The following GOLPH3L variants were observed in gnomAD, a reference collection of about 807,000 sequenced individuals.
GOLPH3L encodes Golgi phosphoprotein 3-like.
A neutral mutation model predicts 30.3 loss-of-function variants in GOLPH3L; 22 were observed. That is an observed-to-expected ratio of 0.73 (90% CI 0.52 to 1.04). The LOEUF (loss-of-function observed/expected upper bound fraction) is 1.04. GOLPH3L is among the 50% of genes least tolerant of loss of function. GOLPH3L has a pLI of 0.00. For synonymous variants in GOLPH3L, 120 were observed against 128.2 expected (o/e 0.94, Z 0.43); for missense variants, 303 against 345.8 (o/e 0.88, Z 0.98).
At position 150,694,763 on chromosome 1, in the gene GOLPH3L, C is replaced by A; in HGVS notation, c.76G>T (p.Asp26Tyr). 1 of 1,612,044 alleles carries A rather than the reference C, an allele frequency of 6.2e-7. No homozygotes were observed. The highest frequency in any genetic ancestry group is 2.2e-5 in the East Asian group (1 of 44,846). The change falls in exon 2 of 5, where the codon GAC becomes TAC. Residue 26 changes from aspartate (D) to tyrosine (Y), a missense_variant. Transcript: ENST00000271732. ...TCTGGACTTTTCTCCCAATTACTGT[C>A]TTCCTCACTTTCCATCTTCTTTTCA... is the stretch of plus-strand genomic sequence containing the variant. ...NSEKKMESEEDSNWEKSPDNE... is the reference protein window; with the variant it reads ...NSEKKMESEEYSNWEKSPDNE...
At position 150,672,057 on chromosome 1, in the gene GOLPH3L, A is replaced by T. The variant is rs149858932; in HGVS notation, c.184-8294T>A. Among the ~76,000 whole-genome samples the T allele has an allele frequency of 5.7e-3, 860 of 152,094 alleles. 11 individuals are homozygous for T. Among genetic ancestry groups the T allele is most frequent in the African/African-American group, 0.019 (806 of 41,506 alleles). On this transcript the variant is annotated intron_variant, in intron 2 of 4. Transcript: ENST00000271732. ...AGAAAATATCACTTTTTAAAGGAAA[A>T]TTTTCAGAAAAAAAGAACCCCTCCA... is the stretch of plus-strand genomic sequence containing the variant.
At chr1:150,678,529 T>A (rs147005333) in intron 2 of GOLPH3L, among the ~76,000 whole-genome samples, 1 of 152,282 alleles carries the variant, frequency 6.6e-6, no homozygotes, top group East Asian at 1.9e-4. Flanking sequence ...TATATTCTAT[T>A]CTATAACTAT....
At chr1:150,649,528 T>C (rs764662457) in intron 4 of GOLPH3L, among the ~76,000 whole-genome samples, 50 of 152,022 alleles carry the variant, frequency 3.3e-4, no homozygotes, top group Non-Finnish European at 6.3e-4. Context: ...CAAACCCAAA[T>C]GGCAAAGCCT....
At chr1:150,658,952 A>C (rs1223244029) in intron 4 of GOLPH3L, among the ~76,000 whole-genome samples, 1 of 152,220 alleles carries the variant, frequency 6.6e-6, no homozygotes, top group Non-Finnish European at 1.5e-5. Context: ...TGCAAAATTA[A>C]AAGAACAAAT....
At position 150,672,036 on chromosome 1, in the gene GOLPH3L, A is replaced by G. The variant is rs866200174; in HGVS notation, c.184-8273T>C. On this transcript the variant is annotated intron_variant, in intron 2 of 4. Coordinates refer to ENST00000271732, the MANE Select transcript of GOLPH3L (RefSeq NM_018178.6). ...CTTTCCAAATTATCTACAGTGAGAA[A>G]ATATCACTTTTTAAAGGAAAATTTT... 1.1e-4 allele frequency among the ~76,000 whole-genome samples: 16 copies of G among 152,164 alleles called. No homozygotes were observed. In the Middle Eastern group the frequency reaches 0.01, roughly 97 times the overall value.
At chr1:150,670,209 CTGAGA>C (rs1650610619) in intron 2 of GOLPH3L, among the ~76,000 whole-genome samples, 1 of 152,088 alleles carries the variant, frequency 6.6e-6, no homozygotes, top group Admixed American at 6.6e-5. Context: ...TTGCAGTGAG[CTGAGA>C]TCTCACCACT....
At chr1:150,667,865 A>T (rs1019070306) in intron 2 of GOLPH3L, among the ~76,000 whole-genome samples, 4 of 152,070 alleles carry the variant, frequency 2.6e-5, no homozygotes, top group African/African-American at 9.7e-5. Context: ...AAGTGCTGGG[A>T]TTACAGGAGT....
intron 2 of GOLPH3L, among the ~76,000 whole-genome samples, chr1:150,673,756 C>A (rs1285804118): frequency 7.0e-6 from 1 of 143,732 alleles, no homozygotes; most frequent in East Asian, 2.1e-4. Context: ...CAGTGAAACC[C>A]CGTCTCTACC....
At chr1:150,695,504 T>C (rs1651330431) in intron 1 of GOLPH3L, among the ~76,000 whole-genome samples, 1 of 151,864 alleles carries the variant, frequency 6.6e-6, no homozygotes, top group Admixed American at 6.6e-5. Flanking sequence ...CACTCCTCTT[T>C]CACAAAATGG....
intron 4 of GOLPH3L, among the ~76,000 whole-genome samples, chr1:150,659,198 A>G (rs1412556857): frequency 2.0e-5 from 3 of 152,208 alleles, no homozygotes; most frequent in African/African-American, 7.2e-5. Context: ...CTTTGCTTTT[A>G]TTGCTTTGTA....
rs587670823 is a variant in GOLPH3L, at chr1:150,652,344, G to A, written c.431-3596C>T. ...TGCATTGAGCTGAGATCGTGCCACCGCACTCCAGACTGGGTGACAGAGTGA... is the reference window on the plus strand; with the variant it reads ...TGCATTGAGCTGAGATCGTGCCACCACACTCCAGACTGGGTGACAGAGTGA... On this transcript the variant is annotated intron_variant, in intron 4 of 4. Transcript: ENST00000271732. 1.2e-4 allele frequency among the ~76,000 whole-genome samples: 13 copies of A among 113,012 alleles called. No homozygotes were observed. In the South Asian group the frequency reaches 4.0e-3, roughly 35 times the overall value. The allele number at this position is 113,012 out of a possible 152,430, so 74.1% of individuals were successfully genotyped here.
At chr1:150,660,545 C>A (rs1650344510) in intron 4 of GOLPH3L, among the ~76,000 whole-genome samples, 1 of 152,124 alleles carries the variant, frequency 6.6e-6, no homozygotes, top group Admixed American at 6.5e-5. Flanking sequence ...TGTCCATCAA[C>A]AGATGAATGG....
In GOLPH3L at chr1:150,647,515, C is replaced by T. The variant is rs1650010736; in HGVS notation, c.*806G>A. The stretch of plus-strand genomic sequence containing the variant: ...CAAAAGAAAAAAAAAAAAAAAGTGG[C>T]CTGGGGGAAACAGGACAGTCATATA... On this transcript the variant is annotated 3_prime_UTR_variant, in exon 5 of 5. Coordinates refer to ENST00000271732, the MANE Select transcript of GOLPH3L (RefSeq NM_018178.6). 1.3e-5 allele frequency: 2 copies of T among 151,870 alleles called. No homozygotes were observed. The highest frequency in any genetic ancestry group is 6.6e-5 in the Admixed American group (1 of 15,130). The allele number at this position is 151,870 out of a possible 1,614,324, so 9.4% of individuals were successfully genotyped here.
At chr1:150,665,304 T>C (rs1223421380) in intron 2 of GOLPH3L, among the ~76,000 whole-genome samples, 1 of 151,944 alleles carries the variant, frequency 6.6e-6, no homozygotes, top group East Asian at 1.9e-4. Flanking sequence ...TGATAGATCA[T>C]AGTTGTGCAT....
chr1:150,665,002 T>C (rs1348768844), intron 2 of GOLPH3L, among the ~76,000 whole-genome samples: 3 of 152,136 alleles, frequency 2.0e-5, no homozygotes, highest in Non-Finnish European at 4.4e-5. Context: ...AATATACGTA[T>C]AAGAGAGCCA....
intron 2 of GOLPH3L, among the ~76,000 whole-genome samples, chr1:150,679,010 T>C (rs1650885394): frequency 6.6e-6 from 1 of 152,202 alleles, no homozygotes. Context: ...TTTTTTAATG[T>C]TGTTAATTAT....
At position 150,679,964 on chromosome 1, in the gene GOLPH3L, A is replaced by T. The variant is rs587744096; in HGVS notation, c.183+14692T>A. Among the ~76,000 whole-genome samples the T allele has an allele frequency of 8.5e-5, 13 of 152,252 alleles. No individual in the cohort carries two copies. The East Asian group carries it at 1.5e-3, about 18-fold the overall frequency. ...TATTTTAAAAAAAGAATAATAATAA[A>T]AAAAAGAATAAAATGATTATTGCTA... On this transcript the variant is annotated intron_variant, in intron 2 of 4. Coordinates refer to ENST00000271732, the MANE Select transcript of GOLPH3L (RefSeq NM_018178.6).
At chr1:150,658,012 C>G (rs1029649881) in intron 4 of GOLPH3L, among the ~76,000 whole-genome samples, 3 of 152,186 alleles carry the variant, frequency 2.0e-5, no homozygotes, top group Non-Finnish European at 4.4e-5. Context: ...AAAATAATAA[C>G]TTGGGGTAGA....
intron 2 of GOLPH3L, among the ~76,000 whole-genome samples, chr1:150,687,199 T>C (rs1651104956): frequency 6.6e-6 from 1 of 152,144 alleles, no homozygotes; most frequent in Non-Finnish European, 1.5e-5. Context: ...GCTTTAGGAT[T>C]GAGTCACTTT....
Sources: allele counts gnomAD v4.1 joint callset (sites outside exome capture counted in the v4.1 genomes callset), GRCh38; gene constraint gnomAD v4.1.1; transcripts MANE v1.5; gene names NCBI Gene and HGNC (gene_info 2026-07-23, HGNC 2026-07-21).